SLC35F2: variants seen among roughly 807,000 people sequenced by gnomAD.
SLC35F2 encodes the protein solute carrier family 35 member F2.
SLC35F2 carries 25 observed loss-of-function variants against 38.1 expected under a neutral mutation model. The ratio of observed to expected loss-of-function variants is 0.66; its 90% CI spans 0.48 to 0.92. The LOEUF is 0.92. Among genes scored for constraint, SLC35F2 ranks in the 40% least tolerant of loss-of-function variants. SLC35F2 has a pLI of 0.00. For missense variants in SLC35F2, 409 were observed against 452.9 expected, an observed-to-expected ratio of 0.90 and a Z score of 0.88; for synonymous variants, 173 against 181.7, an observed-to-expected ratio of 0.95 and a Z score of 0.38.
intron 6 of SLC35F2, chr11:107,803,459 G>C (rs1859345833): frequency 1.0e-6 from 1 of 979,392 alleles, no homozygotes; most frequent in Admixed American, 6.4e-5. Flanking sequence ...TATGCACCCT[G>C]CCAGGACAGC....
intron 1 of SLC35F2, among the ~76,000 whole-genome samples, chr11:107,842,257 CAAAAAAAAAAAAAAAAA>C (rs541185009): frequency 2.6e-5 from 1 of 37,908 alleles, no homozygotes; most frequent in African/African-American, 1.2e-4. Flanking sequence ...CTCCGTCTCA[CAAAAAAAAAAAAAAAAA>C]AAAAAAAAAA....
At chr11:107,807,605 C>A (rs1859417841) in intron 3 of SLC35F2, among the ~76,000 whole-genome samples, 1 of 150,962 alleles carries the variant, frequency 6.6e-6, no homozygotes, top group African/African-American at 2.4e-5. Context: ...TGGAGTCTCG[C>A]TCTGTTGCCC....
intron 1 of SLC35F2, among the ~76,000 whole-genome samples, chr11:107,835,765 CTG>C (rs1446652133): frequency 6.6e-6 from 1 of 152,018 alleles, no homozygotes; most frequent in African/African-American, 2.4e-5. Flanking sequence ...GATCCTAACA[CTG>C]TGTCAAGCTA....
At chr11:107,812,976 T>C (rs934031466) in intron 2 of SLC35F2, among the ~76,000 whole-genome samples, 8 of 152,332 alleles carry the variant, frequency 5.3e-5, no homozygotes, top group Non-Finnish European at 1.2e-4. Context: ...CTCCAAATTA[T>C]ATGTATTCAA....
rs1365786858 is a variant in SLC35F2 at position 107,806,877 on chromosome 11, C to G, written c.415-1G>C. On this transcript the variant is annotated splice_acceptor_variant, in intron 3 of 7. Transcript: ENST00000525815. LOFTEE classifies it high-confidence loss of function. ...CAGGAATCCCAAAGCAATCCAAAAG[C>G]TGCATGGAAAGAGAATCAACAGTTT... 6.2e-7 allele frequency: 1 copy of G among 1,612,510 alleles called. No individual in the cohort carries two copies. The highest frequency in any genetic ancestry group is 1.1e-5 in the South Asian group (1 of 90,828).
intron 1 of SLC35F2, chr11:107,821,458 A>G: frequency 1.0e-6 from 1 of 985,400 alleles, no homozygotes; most frequent in Non-Finnish European, 1.2e-6. Context: ...GAGAGAGAAA[A>G]GCTGGCGGGG....
chr11:107,853,719 CAA>C (rs67932834), intron 1 of SLC35F2, among the ~76,000 whole-genome samples: 4,826 of 67,696 alleles, frequency 0.071, 44 homozygotes, highest in East Asian at 0.17. Context: ...GACTCCGTCT[CAA>C]AAAAAAAAAA....
At chr11:107,805,731 G>A (rs1859380948) in intron 4 of SLC35F2, 1 of 914,602 alleles carries the variant, frequency 1.1e-6, no homozygotes, top group Non-Finnish European at 1.3e-6. Context: ...AGGCTGGAGT[G>A]CAGTGGCGCA....
At chr11:107,818,407 AAAG>A (rs1859618050) in intron 1 of SLC35F2, among the ~76,000 whole-genome samples, 1 of 136,350 alleles carries the variant, frequency 7.3e-6, no homozygotes. Context: ...AAAAAGAAAA[AAAG>A]AAAAGAAACA....
chr11:107,838,081 T>C (rs1859958427), intron 1 of SLC35F2, among the ~76,000 whole-genome samples: 1 of 152,094 alleles, frequency 6.6e-6, no homozygotes, highest in Admixed American at 6.6e-5. Flanking sequence ...ATAACAGAAA[T>C]GGAGGCACAG....
chr11:107,811,606 T>C, intron 3 of SLC35F2, 61 bp downstream of exon 3: 13 of 1,479,482 alleles, frequency 8.8e-6, no homozygotes, highest in Non-Finnish European at 9.2e-6. Context: ...TCAACACATA[T>C]GACTTCGTGT....
Position 107,805,359 on chromosome 11 carries a change from A to C in SLC35F2, c.731T>G (p.Leu244Arg), listed in dbSNP as rs1859374960. ...LFGTIISGIQ[L>R]LIVEYKDIAS... ...TTAGAAAAAAATTGTAGAATCTTAC[A>C]GCTGTATACCACTGATAATTGTTCC... Residue 244 changes from leucine (L) to arginine (R), a missense_variant and splice_region_variant, in exon 5 of 8, where the codon CTA becomes CGA. Leu to Arg is a moderately radical substitution (Grantham distance 102, BLOSUM62 -2). Coordinates refer to ENST00000525815, the MANE Select transcript of SLC35F2 (RefSeq NM_017515.5). The C allele has an allele frequency of 6.3e-7, 1 of 1,597,474 alleles. No homozygotes were observed. The highest frequency in any genetic ancestry group is 8.5e-7 in the Non-Finnish European group (1 of 1,176,050).
chr11:107,821,953 T>G (rs1308951376), intron 1 of SLC35F2, among the ~76,000 whole-genome samples: 3 of 152,190 alleles, frequency 2.0e-5, no homozygotes, highest in Non-Finnish European at 4.4e-5. Flanking sequence ...ATTTAAGGCA[T>G]GAGGCCAGGC....
At chr11:107,815,236 A>G (rs923235663) in intron 2 of SLC35F2, among the ~76,000 whole-genome samples, 1 of 135,644 alleles carries the variant, frequency 7.4e-6, no homozygotes, top group African/African-American at 3.6e-5. Context: ...TTGGGGGGGA[A>G]ACCTAACTTG....
chr11:107,807,920 G>C (rs1366548196), intron 3 of SLC35F2, among the ~76,000 whole-genome samples: 1 of 152,116 alleles, frequency 6.6e-6, no homozygotes, highest in Non-Finnish European at 1.5e-5. Flanking sequence ...CTTCCTACCT[G>C]CAACCATTTA....
At chr11:107,848,957 A>G (rs1860135830) in intron 1 of SLC35F2, among the ~76,000 whole-genome samples, 1 of 152,058 alleles carries the variant, frequency 6.6e-6, no homozygotes, top group South Asian at 2.1e-4. Flanking sequence ...TTTTTCTTTT[A>G]ATTTTTTTGA....
At chr11:107,803,769 C>T (rs1674815705) in intron 6 of SLC35F2, among the ~76,000 whole-genome samples, 1 of 70,154 alleles carries the variant, frequency 1.4e-5, no homozygotes, top group African/African-American at 5.6e-5. Context: ...AATCTCATCC[C>T]ATACTCAACA....
rs928898926 is a variant in SLC35F2 at position 107,817,302 on chromosome 11, AAAAAG to A, written c.111-1342_111-1338del. On this transcript the variant is annotated intron_variant, in intron 1 of 7. Coordinates refer to ENST00000525815, the MANE Select transcript of SLC35F2 (RefSeq NM_017515.5). ...AAGAAAGGAAAGAAAGAAAAGAAAA[AAAAAG>A]AAAAGAAAAGAGCTGGACGGGAAAG... 4.0e-5 allele frequency among the ~76,000 whole-genome samples: 6 copies of A among 151,840 alleles called. No homozygotes were observed. In the South Asian group the frequency reaches 6.2e-4, roughly 16 times the overall value.
chr11:107,801,528 A>C (rs1033783448), intron 7 of SLC35F2, among the ~76,000 whole-genome samples: 4 of 152,100 alleles, frequency 2.6e-5, no homozygotes, highest in Non-Finnish European at 5.9e-5. Flanking sequence ...TTTCAGTTAT[A>C]ATATGGTAAA....
Sources: gnomAD v4.1 joint callset for allele counts (sites outside exome capture counted in the v4.1 genomes callset) on GRCh38, gnomAD v4.1.1 for gene constraint, MANE v1.5 for transcripts, NCBI Gene and HGNC (gene_info 2026-07-23, HGNC 2026-07-21) for gene names.